EYS: variants seen among roughly 807,000 people sequenced by gnomAD.
The protein encoded by EYS is EGF-like photoreceptor maintenance factor.
A neutral mutation model predicts 282.1 loss-of-function variants in EYS; 250 were observed. That is an observed-to-expected ratio of 0.89 (90% CI 0.80 to 0.98). The LOEUF (loss-of-function observed/expected upper bound fraction) is 0.98, where lower values mean the gene tolerates loss of function less well. Ranked by LOEUF, EYS falls within the 50% of genes least tolerant of loss-of-function variation. EYS has a pLI of 0.00. For missense variants in EYS, 4,016 were observed against 3,709.0 expected (o/e 1.08, Z -2.15); for synonymous variants, 1,355 against 1,282.9 (o/e 1.06, Z -1.20).
chr6:63,900,196 A>C (rs1481486944), intron 35 of EYS, among the ~76,000 whole-genome samples: 1 of 152,188 alleles, frequency 6.6e-6, no homozygotes, highest in African/African-American at 2.4e-5. Context: ...TGCAGGTATT[A>C]TTTACTTATT....
At chr6:63,969,341 A>T (rs192033603) in intron 35 of EYS, among the ~76,000 whole-genome samples, 302 of 152,354 alleles carry the variant, frequency 2.0e-3, no homozygotes, top group African/African-American at 7.0e-3. Context: ...AAAATCTTAG[A>T]AACCAGATTT....
chr6:65,226,940 A>C (rs578070199), intron 12 of EYS, among the ~76,000 whole-genome samples: 41 of 152,292 alleles, frequency 2.7e-4, no homozygotes, highest in African/African-American at 9.9e-4. Context: ...TCAGTTATAA[A>C]AGCAAAATAA....
At chr6:64,859,420 T>C (rs1282111115) in intron 19 of EYS, among the ~76,000 whole-genome samples, 2 of 149,726 alleles carry the variant, frequency 1.3e-5, no homozygotes, top group African/African-American at 4.9e-5. Flanking sequence ...AAAACACTCA[T>C]GAAGGAATTG....
At chr6:65,149,466 C>G (rs1227839364) in intron 12 of EYS, among the ~76,000 whole-genome samples, 1 of 152,114 alleles carries the variant, frequency 6.6e-6, no homozygotes, top group Non-Finnish European at 1.5e-5. Flanking sequence ...TGGTCAAAAC[C>G]ATTCAACATG....
chr6:65,615,803 G>A (rs1037716207), intron 2 of EYS, among the ~76,000 whole-genome samples: 8 of 151,894 alleles, frequency 5.3e-5, no homozygotes, highest in East Asian at 1.9e-4. Context: ...TCGTGGTGGC[G>A]GGCGCCTGCA....
At chr6:64,062,784 CAATT>C (rs768857128) in intron 33 of EYS, among the ~76,000 whole-genome samples, 17 of 151,714 alleles carry the variant, frequency 1.1e-4, no homozygotes, top group Non-Finnish European at 1.8e-4. Flanking sequence ...CTGGTAATTC[CAATT>C]AATTAAACAC....
intron 2 of EYS, among the ~76,000 whole-genome samples, chr6:65,552,193 C>T (rs540325389): frequency 1.3e-5 from 2 of 152,306 alleles, no homozygotes; most frequent in South Asian, 2.1e-4. Context: ...AGACTTACCT[C>T]TTATCTCCTT....
At chr6:64,471,827 G>C (rs1776130229) in intron 26 of EYS, among the ~76,000 whole-genome samples, 1 of 152,060 alleles carries the variant, frequency 6.6e-6, no homozygotes, top group Admixed American at 6.6e-5. Flanking sequence ...TCTTTGATGG[G>C]GGAGATGAAG....
intron 13 of EYS, among the ~76,000 whole-genome samples, chr6:65,018,367 T>C (rs1157254640): frequency 6.6e-6 from 1 of 152,184 alleles, no homozygotes; most frequent in Non-Finnish European, 1.5e-5. Context: ...CATCCCGTAG[T>C]TGTAGATGCA....
chr6:65,442,998 A>C (rs1266480739), intron 5 of EYS, among the ~76,000 whole-genome samples: 1 of 151,106 alleles, frequency 6.6e-6, no homozygotes, highest in Non-Finnish European at 1.5e-5. Flanking sequence ...GCGTATATGT[A>C]TATATGTACA....
intron 2 of EYS, among the ~76,000 whole-genome samples, chr6:65,517,006 T>C (rs1195257224): frequency 6.6e-6 from 1 of 152,006 alleles, no homozygotes; most frequent in Admixed American, 6.6e-5. Flanking sequence ...ACTATGTGGA[T>C]AATAGCTCTA....
chr6:65,079,024 T>G lies in EYS; in HGVS notation c.2024-21297A>C, dbSNP rs146459037. ...AAGCAGATGCCGGTACCATGTTTTC[T>G]GTTCAGCCTGCAGAACTGTAAGACA... On this transcript the variant is annotated intron_variant, in intron 12 of 42. Coordinates refer to ENST00000503581, the MANE Select transcript of EYS (RefSeq NM_001142800.2). 1.5e-3 allele frequency among the ~76,000 whole-genome samples: 226 copies of G among 151,994 alleles called. 1 individual carries two copies. Among genetic ancestry groups the G allele is most frequent in the African/African-American group, 5.2e-3 (215 of 41,530 alleles).
intron 1 of EYS, among the ~76,000 whole-genome samples, chr6:65,696,876 T>C (rs1224771733): frequency 6.6e-6 from 1 of 152,052 alleles, no homozygotes; most frequent in Non-Finnish European, 1.5e-5. Context: ...TGTAGAATTC[T>C]TAATCTATAT....
At chr6:64,793,686 G>A (rs1774259826) in intron 22 of EYS, among the ~76,000 whole-genome samples, 1 of 152,120 alleles carries the variant, frequency 6.6e-6, no homozygotes. Flanking sequence ...ATTGTTCATA[G>A]TTGATGTCCA....
At chr6:63,943,085 T>TA (rs1398101908) in intron 35 of EYS, among the ~76,000 whole-genome samples, 1 of 152,228 alleles carries the variant, frequency 6.6e-6, no homozygotes, top group East Asian at 1.9e-4. Context: ...TATTAGTAGT[T>TA]ACGCTTCTGA....
chr6:64,199,038 T>A (rs908190143), intron 31 of EYS, among the ~76,000 whole-genome samples: 4 of 152,116 alleles, frequency 2.6e-5, no homozygotes, highest in Non-Finnish European at 5.9e-5. Context: ...ATGAGATGGT[T>A]ACTTCATTAT....
At chr6:64,900,711 C>G (rs1040789505) in intron 18 of EYS, among the ~76,000 whole-genome samples, 6 of 152,000 alleles carry the variant, frequency 3.9e-5, no homozygotes, top group Non-Finnish European at 7.4e-5. Flanking sequence ...GAATGGCGAT[C>G]ATTAAAAAGT....
At chr6:64,163,949 T>A (rs1775188889) in intron 31 of EYS, among the ~76,000 whole-genome samples, 1 of 152,144 alleles carries the variant, frequency 6.6e-6, no homozygotes, top group African/African-American at 2.4e-5. Context: ...CAATTGTTTT[T>A]TCTACAAATG....
At chr6:64,288,771 C>T (rs1167311268) in intron 30 of EYS, among the ~76,000 whole-genome samples, 4 of 152,004 alleles carry the variant, frequency 2.6e-5, no homozygotes, top group Admixed American at 2.6e-4. Flanking sequence ...TGATGTTATC[C>T]ACTTTTACCC....
Sources: allele counts gnomAD v4.1 joint callset (sites outside exome capture counted in the v4.1 genomes callset), GRCh38; gene constraint gnomAD v4.1.1; transcripts MANE v1.5; gene names NCBI Gene and HGNC (gene_info 2026-07-23, HGNC 2026-07-21).